The following HFE variants were observed in gnomAD, a reference collection of about 807,000 sequenced individuals.
The protein encoded by HFE is hereditary hemochromatosis protein.
Under a neutral mutation model 40.9 loss-of-function variants are expected in HFE, and 36 were observed. That is an observed-to-expected ratio of 0.88 (90% confidence interval 0.67 to 1.16). HFE has a LOEUF of 1.16. Ranked by LOEUF, HFE falls within the 50% of genes most tolerant of loss-of-function variation. The pLI is 0.00. For missense variants in HFE, 376 were observed against 432.0 expected, an observed-to-expected ratio of 0.87 and a Z score of 1.15; for synonymous variants, 157 against 165.4, an observed-to-expected ratio of 0.95 and a Z score of 0.39.
At chr6:26,087,856 C>T (rs960312863) in intron 1 of HFE, among the ~76,000 whole-genome samples, 1 of 152,208 alleles carries the variant, frequency 6.6e-6, no homozygotes, top group African/African-American at 2.4e-5. Flanking sequence ...GCTCCTTGAA[C>T]CTGGAACTCG....
At position 26,094,574 on chromosome 6, in the gene HFE, G is replaced by A; in HGVS notation, c.*348G>A. 1.5e-6 allele frequency: 1 copy of A among 658,612 alleles called. No homozygotes were observed. Among genetic ancestry groups the A allele is most frequent in the Non-Finnish European group, 2.7e-6 (1 of 365,854 alleles). The allele number at this position is 658,612 out of a possible 1,614,324, so 40.8% of individuals were successfully genotyped here. On this transcript the variant is annotated 3_prime_UTR_variant, in exon 6 of 6. Transcript: ENST00000357618. ...TTTTGGAAGAGGACTCCTTAAATTT[G>A]GGGGACTTACATGATTCATTTTAAC...
intron 3 of HFE, 32 bp downstream of exon 3, chr6:26,091,621 T>G: frequency 6.2e-7 from 1 of 1,609,932 alleles, no homozygotes; most frequent in Non-Finnish European, 8.5e-7. Context: ...GCCCCTATAC[T>G]CTAGTGGCAG....
intron 1 of HFE, 122 bp from the exon 2 acceptor site, chr6:26,090,719 T>C: frequency 9.6e-7 from 1 of 1,037,968 alleles, no homozygotes. Flanking sequence ...GGACTGCAAC[T>C]CACCCTTCAC....
chr6:26,097,007 A>C lies in HFE; in HGVS notation c.*2781A>C, dbSNP rs1459420267. ...TTCACTCTAGGGACATTGTCGTCTA[A>C]GTTGTAAGACATTGGTTATTTTACC... On this transcript the variant is annotated 3_prime_UTR_variant, in exon 6 of 6. Coordinates refer to ENST00000357618, the MANE Select transcript of HFE (RefSeq NM_000410.4). 5.4e-6 allele frequency: 1 copy of C among 184,554 alleles called. No homozygotes were observed. The highest frequency in any genetic ancestry group is 1.1e-5 in the Non-Finnish European group (1 of 87,898). The allele number at this position is 184,554 out of a possible 1,614,324, so 11.4% of individuals were successfully genotyped here.
At chr6:26,093,281 C>T in intron 5 of HFE, 49 bp downstream of exon 5, 1 of 1,324,078 alleles carries the variant, frequency 7.6e-7, no homozygotes, top group Non-Finnish European at 1.1e-6. Context: ...CCCCAGGGCA[C>T]AGTGGGAAGA....
chr6:26,097,857 A>G lies in HFE; in HGVS notation c.*3631A>G, dbSNP rs1422007055. 2 of 152,216 alleles carry G rather than the reference A, an allele frequency of 1.3e-5. No homozygotes were observed. The highest frequency in any genetic ancestry group is 2.9e-5 in the Non-Finnish European group (2 of 68,034). 9.4% of individuals were successfully genotyped at this position (152,216 alleles called of 1,614,324 possible). A position where few individuals can be genotyped will look rare whatever the true frequency, so the allele number is the denominator to read the frequency against. On this transcript the variant is annotated 3_prime_UTR_variant, in exon 6 of 6. Coordinates refer to ENST00000357618, the MANE Select transcript of HFE (RefSeq NM_000410.4). ...AAACATTCTTCACAAACTCACACAC[A>G]TTTAAAAACAAAACACTGTCTCTAA...
chr6:26,089,535 G>C (rs62625326), intron 1 of HFE, among the ~76,000 whole-genome samples: 80 of 152,304 alleles, frequency 5.3e-4, no homozygotes, highest in African/African-American at 1.7e-3. Flanking sequence ...ACACAGTCCA[G>C]GCAAGAGGTA....
chr6:26,094,835 A>C lies in HFE; in HGVS notation c.*609A>C. On this transcript the variant is annotated 3_prime_UTR_variant, in exon 6 of 6. Coordinates refer to ENST00000357618, the MANE Select transcript of HFE (RefSeq NM_000410.4). ...AATGGAAGAGGCACCTGTCCCAGAA[A>C]AAGCATCATGGCTATCTGTGGGTAG... The C allele has an allele frequency of 4.9e-6, 1 of 205,058 alleles. No homozygotes were observed. The highest frequency in any genetic ancestry group is 1.0e-5 in the Non-Finnish European group (1 of 99,906). The allele number at this position is 205,058 out of a possible 1,614,324, so 12.7% of individuals were successfully genotyped here.
chr6:26,089,109 G>GT (rs1491427544), intron 1 of HFE, among the ~76,000 whole-genome samples: 5 of 21,588 alleles, frequency 2.3e-4, no homozygotes, highest in Non-Finnish European at 3.4e-4. Flanking sequence ...GTGTGTGTGT[G>GT]GGGGGGGGGG....
At chr6:26,089,247 T>C (rs1428470703) in intron 1 of HFE, among the ~76,000 whole-genome samples, 1 of 152,006 alleles carries the variant, frequency 6.6e-6, no homozygotes, top group East Asian at 1.9e-4. Flanking sequence ...CTCTAAACTT[T>C]GCCACATGTC....
At chr6:26,089,137 A>AGGGGGG (rs1325415029) in intron 1 of HFE, among the ~76,000 whole-genome samples, 5 of 62,632 alleles carry the variant, frequency 8.0e-5, no homozygotes, top group African/African-American at 2.4e-4. Context: ...GGGGGTGGGA[A>AGGGGGG]GGGGGACTAC....
rs766754409 is a variant in HFE at position 26,087,460 on chromosome 6, C to G, written c.20C>G (p.Pro7Arg). 38 of 1,613,966 alleles carry G rather than the reference C, an allele frequency of 2.4e-5. 1 individual carries two copies. The highest frequency in any genetic ancestry group is 1.5e-4 in the South Asian group (14 of 91,084). Residue 7 changes from proline to arginine, a missense_variant, in exon 1 of 6, where the codon CCG becomes CGG. Physicochemically the swap from Pro to Arg is moderately radical, Grantham distance 103 (BLOSUM62 -2). Around this residue, in one of 3 missense-constraint regions of HFE, gnomAD observed 200 missense variants for 228.5 expected, o/e 0.88. Transcript: ENST00000357618. MGPRAR[P>R]ALLLLMLLQT... ...GGGGAAATGGGCCCGCGAGCCAGGC[C>G]GGCGCTTCTCCTCCTGATGCTTTTG...
At chr6:26,092,293 C>T (rs1762774579) in intron 3 of HFE, among the ~76,000 whole-genome samples, 1 of 151,278 alleles carries the variant, frequency 6.6e-6, no homozygotes, top group Admixed American at 6.6e-5. Flanking sequence ...TTAAAAGTTT[C>T]TTTCATAGAA....
rs1284000063 is a variant in HFE at position 26,090,755 on chromosome 6, G to A, written c.77-86G>A. ...AAAATGAGGACCAGACACAGCTGAT[G>A]GTATGAGTTGATGCAGGTGTGTGGA... On this transcript the variant is annotated intron_variant, in intron 1 of 5. Transcript: ENST00000357618. 4 of 1,352,990 alleles carry A rather than the reference G, an allele frequency of 3.0e-6. No individual in the cohort carries two copies. The African/African-American group carries it at 5.7e-5, about 19-fold the overall frequency. The allele number at this position is 1,352,990 out of a possible 1,614,324, so 83.8% of individuals were successfully genotyped here.
chr6:26,090,867 A>G lies in HFE; in HGVS notation c.103A>G (p.Met35Val), dbSNP rs1762646075. 1 of 1,613,896 alleles carries G rather than the reference A, an allele frequency of 6.2e-7. No individual in the cohort carries two copies. Among genetic ancestry groups the G allele is most frequent in the Non-Finnish European group, 8.5e-7 (1 of 1,180,006 alleles). The change falls in exon 2 of 6, where the codon ATG becomes GTG. Residue 35 changes from methionine to valine, a missense_variant. Transcript: ENST00000357618. ...TTCACACTCTCTGCACTACCTCTTC[A>G]TGGGTGCCTCAGAGCAGGACCTTGG... ...LRSHSLHYLF[M>V]GASEQDLGLS...
rs12346 is a variant in HFE, at chr6:26,096,818, T to C, written c.*2592T>C. The C allele has an allele frequency of 0.72, 255,913 of 355,102 alleles. 93,669 individuals carry two copies. The highest frequency in any genetic ancestry group is 0.92 in the African/African-American group (42,880 of 46,854). The allele number at this position is 355,102 out of a possible 1,614,324, so 22.0% of individuals were successfully genotyped here. On this transcript the variant is annotated 3_prime_UTR_variant, in exon 6 of 6. Coordinates refer to ENST00000357618, the MANE Select transcript of HFE (RefSeq NM_000410.4). The stretch of plus-strand genomic sequence containing the variant: ...AAATGCATATACTTTAATAAATGTA[T>C]ATTGTATTGTATACTGCATGATTTT...
intron 4 of HFE, 52 bp from the exon 5 acceptor site, chr6:26,093,067 G>A: frequency 1.2e-6 from 2 of 1,613,602 alleles, no homozygotes; most frequent in Non-Finnish European, 1.7e-6. Flanking sequence ...CTTTGTTAGG[G>A]GGTGGGCTGA....
chr6:26,091,916 C>T (rs1318226118), intron 3 of HFE, among the ~76,000 whole-genome samples: 3 of 152,032 alleles, frequency 2.0e-5, no homozygotes, highest in Admixed American at 2.0e-4. Flanking sequence ...CGGTGGCTCA[C>T]CCCTGTAATC....
intron 5 of HFE, 121 bp from the exon 6 acceptor site, chr6:26,094,065 G>A: frequency 1.0e-6 from 1 of 962,232 alleles, no homozygotes; most frequent in South Asian, 1.3e-5. Flanking sequence ...AATGGTTCTT[G>A]AAATCCAATA....
Sources: gnomAD v4.1 joint callset for allele counts (sites outside exome capture counted in the v4.1 genomes callset) on GRCh38, gnomAD v4.1.1 for gene constraint, gnomAD v4.1.1 regional missense constraint, MANE v1.5 for transcripts, NCBI Gene and HGNC (gene_info 2026-07-23, HGNC 2026-07-21) for gene names.